Variants in ALLC observed in about 807,000 individuals in gnomAD.
ALLC encodes allantoicase.
Under a neutral mutation model 45.0 loss-of-function variants are expected in ALLC, and 40 were observed. The observed-to-expected ratio is 0.89, with a 90% CI of 0.69 to 1.16. The LOEUF is 1.16. Among genes scored for constraint, ALLC ranks in the 50% most tolerant of loss-of-function variants. ALLC has a pLI of 0.00. For missense variants in ALLC, 488 were observed against 493.1 expected (o/e 0.99, Z 0.10); for synonymous variants, 176 against 178.1 (o/e 0.99, Z 0.09).
chr2:3,653,601 A>G (rs1458943474), upstream of ALLC, among the ~76,000 whole-genome samples: 1 of 152,106 alleles, frequency 6.6e-6, no homozygotes, highest in Non-Finnish European at 1.5e-5. The surrounding 1 kb of genome is among the most constrained non-coding windows in gnomAD (Gnocchi z 4.1). Flanking sequence ...TTGTGGCAGC[A>G]GTGGGTGTCG....
Position 3,681,720 on chromosome 2 carries a change from C to G in ALLC, c.378+7C>G, listed in dbSNP as rs1667185509. On this transcript the variant is annotated splice_region_variant and intron_variant, in intron 6 of 11. Transcript: ENST00000252505. ...GTTTGAAGCCATTGCTGAGGTACAT[C>G]TCCCCCAAATGAATTGGGTCTTGTC... 1 of 1,602,996 alleles carries G rather than the reference C, an allele frequency of 6.2e-7. No homozygotes were observed. The highest frequency in any genetic ancestry group is 1.7e-5 in the Admixed American group (1 of 58,976).
intron 4 of ALLC, 122 bp downstream of exon 4, chr2:3,678,677 A>T: frequency 1.3e-6 from 1 of 743,098 alleles, no homozygotes; most frequent in Non-Finnish European, 2.3e-6. Flanking sequence ...ATGCTCTGTA[A>T]TCTTGGATGT....
At chr2:3,677,822 G>C (rs1383271824) in intron 3 of ALLC, among the ~76,000 whole-genome samples, 1 of 152,240 alleles carries the variant, frequency 6.6e-6, no homozygotes, top group Non-Finnish European at 1.5e-5. Context: ...AACAGGGAAA[G>C]TATCCCCATG....
At chr2:3,659,809 C>G (rs1350240563) in intron 1 of ALLC, among the ~76,000 whole-genome samples, 5 of 152,338 alleles carry the variant, frequency 3.3e-5, no homozygotes, top group Admixed American at 2.6e-4. Flanking sequence ...GGGCCCTGCA[C>G]AGCACAGGCC....
chr2:3,669,405 C>T (rs1294989118), intron 1 of ALLC, among the ~76,000 whole-genome samples: 6 of 151,926 alleles, frequency 3.9e-5, no homozygotes, highest in African/African-American at 7.3e-5. Context: ...ACCCAGGAGG[C>T]GGCGGTTGCA....
intron 7 of ALLC, 68 bp downstream of exon 7, chr2:3,683,142 T>C: frequency 2.0e-6 from 3 of 1,490,596 alleles, no homozygotes; most frequent in Non-Finnish European, 2.7e-6. Flanking sequence ...GTTTATAAAA[T>C]ATAAAATGAC....
chr2:3,675,623 TAC>T (rs1004747961), intron 3 of ALLC, among the ~76,000 whole-genome samples: 1 of 151,980 alleles, frequency 6.6e-6, no homozygotes, highest in Non-Finnish European at 1.5e-5. Flanking sequence ...TATAAACACT[TAC>T]ACACTACATA....
the ALLC span, among the ~76,000 whole-genome samples, chr2:3,652,348 C>T: frequency 1.3e-5 from 2 of 152,246 alleles, no homozygotes; most frequent in African/African-American, 2.4e-5. Context: ...TGTGGGCCTG[C>T]ACAGGTTGTG....
chr2:3,672,280 G>A (rs1217853171), intron 2 of ALLC, among the ~76,000 whole-genome samples: 1 of 114,820 alleles, frequency 8.7e-6, no homozygotes, highest in Non-Finnish European at 1.9e-5. Context: ...TGGTTAGATG[G>A]GAGGTCCTCT....
At chr2:3,652,781 C>T in the ALLC span, among the ~76,000 whole-genome samples, 10 of 152,056 alleles carry the variant, frequency 6.6e-5, no homozygotes, top group Admixed American at 3.9e-4. Context: ...GGGGTTTCAC[C>T]GTGTTGCGCA....
chr2:3,670,350 G>C (rs1666830871), intron 1 of ALLC, among the ~76,000 whole-genome samples: 1 of 152,212 alleles, frequency 6.6e-6, no homozygotes, highest in Non-Finnish European at 1.5e-5. Context: ...ACCATGAGGG[G>C]TAGAGAAAAG....
At chr2:3,701,893 A>G (rs1363752232) in intron 11 of ALLC, among the ~76,000 whole-genome samples, 1 of 152,216 alleles carries the variant, frequency 6.6e-6, no homozygotes, top group Non-Finnish European at 1.5e-5. Context: ...ATCATGTTTA[A>G]CTTTGTAGAA....
At chr2:3,683,108 G>T in intron 7 of ALLC, 34 bp downstream of exon 7, 1 of 1,585,874 alleles carries the variant, frequency 6.3e-7, no homozygotes, top group Non-Finnish European at 8.6e-7. Context: ...CCAGTTCCAT[G>T]GCTTCTTTAT....
chr2:3,646,229 C>T, the ALLC span, among the ~76,000 whole-genome samples: 1 of 152,218 alleles, frequency 6.6e-6, no homozygotes, highest in African/African-American at 2.4e-5. Flanking sequence ...GGACCCACTG[C>T]ATGTGCGGGT....
chr2:3,697,617 GTCTGTCTA>G (rs200159729), intron 10 of ALLC, among the ~76,000 whole-genome samples, 161 bp downstream of exon 10: 8,331 of 138,268 alleles, frequency 0.06, 273 homozygotes, highest in Middle Eastern at 0.095. Flanking sequence ...AACTCTGTCT[GTCTGTCTA>G]TCTATCTATC....
chr2:3,702,229 T>A (rs977452604), intron 11 of ALLC, 134 bp from the exon 12 acceptor site: 21 of 690,048 alleles, frequency 3.0e-5, no homozygotes, highest in Non-Finnish European at 4.7e-5. Flanking sequence ...GAAAGCCCAA[T>A]TATCATCAAT....
At chr2:3,648,306 C>T in the ALLC span, among the ~76,000 whole-genome samples, 2 of 152,216 alleles carry the variant, frequency 1.3e-5, no homozygotes, top group African/African-American at 4.8e-5. Flanking sequence ...AGCATGTCTT[C>T]CCATCTGTCT....
upstream of ALLC, among the ~76,000 whole-genome samples, chr2:3,656,809 GGGTCAGGGTGTGGAGGGCAGA>G (rs1254141507): frequency 2.2e-4 from 31 of 143,666 alleles, no homozygotes; most frequent in Admixed American, 8.8e-4. Flanking sequence ...TGGAGGGCAG[GGGTCAGGGTGTGGAGGGCAGA>G]GGTCAGGGTG....
chr2:3,678,553 C>T lies in ALLC; in HGVS notation c.170C>T (p.Pro57Leu). The T allele has an allele frequency of 6.2e-7, 1 of 1,613,468 alleles. No homozygotes were observed. The highest frequency in any genetic ancestry group is 8.5e-7 in the Non-Finnish European group (1 of 1,179,420). ...DGWETRRKRI[P>L]GHDWCVLRLG... ...TGGGAGACCAGGAGGAAAAGGATTCCAGGTAATAACAACGGTTCGTTCATC... is the reference window on the plus strand; with the variant it reads ...TGGGAGACCAGGAGGAAAAGGATTCTAGGTAATAACAACGGTTCGTTCATC... The change falls in exon 4 of 12, where the codon CCA becomes CTA. Residue 57 changes from proline to leucine, a missense_variant and splice_region_variant. Physicochemically the swap from Pro to Leu is moderately conservative, Grantham distance 98. Transcript: ENST00000252505.
Sources: gnomAD v4.1 joint callset for allele counts (sites outside exome capture counted in the v4.1 genomes callset) on GRCh38, gnomAD v4.1.1 for gene constraint, Gnocchi (gnomAD v3.1) non-coding constraint, MANE v1.5 for transcripts, NCBI Gene and HGNC (gene_info 2026-07-23, HGNC 2026-07-21) for gene names.